The following CBFB variants were observed in gnomAD, a reference collection of about 807,000 sequenced individuals.
The protein encoded by CBFB is core-binding factor subunit beta.
CBFB carries 9 observed loss-of-function variants against 30.4 expected under a neutral mutation model. The ratio of observed to expected loss-of-function variants is 0.30; its 90% CI spans 0.18 to 0.52. The LOEUF is 0.52. Among genes scored for constraint, CBFB ranks in the 20% least tolerant of loss-of-function variants. CBFB has a pLI of 0.97. For synonymous variants in CBFB, 94 were observed against 84.0 expected (o/e 1.12, Z -0.65); for missense variants, 170 against 244.0 (o/e 0.70, Z 2.02).
chr16:67,029,744 C>T lies in CBFB; in HGVS notation c.96C>T (p.Phe32=), dbSNP rs764192637. ...SRECEIKYTG[F]RDRPHEERQA... ...CCTTGCAGATTAAGTACACGGGCTT[C>T]AGGGACCGGCCCCACGAGGAACGCC... The change falls in exon 2 of 6, where the codon TTC becomes TTT. Residue 32 remains phenylalanine (F), a synonymous_variant. Coordinates refer to ENST00000412916, the MANE Select transcript of CBFB (RefSeq NM_022845.3). The T allele has an allele frequency of 3.1e-6, 5 of 1,596,364 alleles. No homozygotes were observed. In the African/African-American group the frequency reaches 5.5e-5, roughly 18 times the overall value.
intron 3 of CBFB, among the ~76,000 whole-genome samples, chr16:67,048,421 A>G (rs1282069374): frequency 6.6e-6 from 1 of 152,202 alleles, no homozygotes; most frequent in East Asian, 1.9e-4. Context: ...TTCCTGACAC[A>G]TATTCTCAGT....
chr16:67,072,993 A>G (rs1183588249), intron 4 of CBFB, among the ~76,000 whole-genome samples: 1 of 152,174 alleles, frequency 6.6e-6, no homozygotes, highest in African/African-American at 2.4e-5. Context: ...GATTATAGGC[A>G]TGAGCCACTG....
In CBFB at chr16:67,031,597, G is replaced by T. The variant is rs568653397; in HGVS notation, c.165+1784G>T. ...ATGATCTTGGCTCGCTGCAACCTTC[G>T]CCTCCTGGGTTAAAGCGATTCTCCT... On this transcript the variant is annotated intron_variant, in intron 2 of 5. Transcript: ENST00000412916. Among the ~76,000 whole-genome samples, 30 of 152,234 alleles carry T rather than the reference G, an allele frequency of 2.0e-4. 1 individual carries two copies. The South Asian group carries it at 6.2e-3, about 32-fold the overall frequency.
chr16:67,066,393 CAAA>C lies in CBFB; in HGVS notation c.283-274_283-272del, dbSNP rs56360240. 2.3e-3 allele frequency among the ~76,000 whole-genome samples: 219 copies of C among 96,038 alleles called. 9 individuals carry two copies. The highest frequency in any genetic ancestry group is 0.012 in the African/African-American group (207 of 17,682). 63.0% of individuals were successfully genotyped at this position (96,038 alleles called of 152,430 possible). On this transcript the variant is annotated intron_variant, in intron 3 of 5. Coordinates refer to ENST00000412916, the MANE Select transcript of CBFB (RefSeq NM_022845.3). Reference sequence around the variant, plus strand: ...TGAAACCCCATCTCTACTAAAAATACAAAAAAAAAAAAAAAAATTAGCCAGGCA... The same window carrying C: ...TGAAACCCCATCTCTACTAAAAATACAAAAAAAAAAAAAATTAGCCAGGCA...
intron 3 of CBFB, among the ~76,000 whole-genome samples, chr16:67,062,359 G>A (rs1481811804): frequency 6.6e-6 from 1 of 151,170 alleles, no homozygotes; most frequent in Non-Finnish European, 1.5e-5. Flanking sequence ...AGTAGAGACA[G>A]GGTTTTGCCA....
chr16:67,054,933 T>A (rs1210673327), intron 3 of CBFB, among the ~76,000 whole-genome samples: 1 of 150,654 alleles, frequency 6.6e-6, no homozygotes, highest in Admixed American at 6.6e-5. Flanking sequence ...TTTTTGTATT[T>A]TTTTTTTTTT....
intron 3 of CBFB, among the ~76,000 whole-genome samples, chr16:67,065,713 G>T (rs879548096): frequency 2.0e-5 from 3 of 151,964 alleles, no homozygotes; most frequent in African/African-American, 7.3e-5. Context: ...TAGTATTTAA[G>T]AATTTCAACA....
intron 4 of CBFB, among the ~76,000 whole-genome samples, chr16:67,072,796 A>C (rs1326258087): frequency 1.3e-5 from 2 of 150,386 alleles, no homozygotes; most frequent in Non-Finnish European, 3.0e-5. Context: ...TTAGCGACAG[A>C]GTCTTGCTCT....
rs768983261 is a variant in CBFB at position 67,100,905 on chromosome 16, A to G, written c.*2127A>G. The stretch of plus-strand genomic sequence containing the variant: ...GCAATTTGATATTTTTTCATAATCT[A>G]TATTTAAACAAAATTACATCATTGC... On this transcript the variant is annotated 3_prime_UTR_variant, in exon 6 of 6. Coordinates refer to ENST00000412916, the MANE Select transcript of CBFB (RefSeq NM_022845.3). 5 of 196,172 alleles carry G rather than the reference A, an allele frequency of 2.5e-5. No homozygotes were observed. Among genetic ancestry groups the G allele is most frequent in the Non-Finnish European group, 4.2e-5 (4 of 94,376 alleles). 12.2% of individuals were successfully genotyped at this position (196,172 alleles called of 1,614,324 possible).
At chr16:67,098,679 T>C (rs1239015317) in intron 5 of CBFB, 31 bp from the exon 6 acceptor site, 7 of 1,410,278 alleles carry the variant, frequency 5.0e-6, no homozygotes, top group South Asian at 3.5e-5. Flanking sequence ...AAAACACTTT[T>C]TGACCCCAAA....
intron 5 of CBFB, among the ~76,000 whole-genome samples, chr16:67,088,373 C>G (rs1038333124): frequency 6.6e-6 from 1 of 152,052 alleles, no homozygotes; most frequent in Admixed American, 6.6e-5. Flanking sequence ...TTTAGAGATT[C>G]AAACATCATC....
At chr16:67,035,231 C>T (rs1966424018) in intron 2 of CBFB, among the ~76,000 whole-genome samples, 1 of 152,008 alleles carries the variant, frequency 6.6e-6, no homozygotes, top group Non-Finnish European at 1.5e-5. Flanking sequence ...TTACAGGCGT[C>T]TGCCACCATG....
chr16:67,075,968 A>T (rs1019731113), intron 4 of CBFB, among the ~76,000 whole-genome samples: 8 of 152,214 alleles, frequency 5.3e-5, no homozygotes, highest in Non-Finnish European at 1.0e-4. Flanking sequence ...ACAGTGGCTC[A>T]TGCCTGTAAT....
chr16:67,083,178 T>A (rs1339170629), intron 5 of CBFB, among the ~76,000 whole-genome samples: 4 of 152,110 alleles, frequency 2.6e-5, no homozygotes, highest in African/African-American at 9.7e-5. Context: ...GATCCTGCCT[T>A]TAGGAAATAA....
At chr16:67,048,956 A>T (rs1966686534) in intron 3 of CBFB, among the ~76,000 whole-genome samples, 1 of 150,496 alleles carries the variant, frequency 6.6e-6, no homozygotes, top group African/African-American at 2.5e-5. Flanking sequence ...AGTAGCTGGG[A>T]TTACAGGCAT....
At position 67,029,921 on chromosome 16, in the gene CBFB, T is replaced by C. The variant is rs1480140070; in HGVS notation, c.165+108T>C. ...GGCTGCTGCGGCTCCCGGAACTGAG[T>C]GGGCGCCGTCTCACTTCCTACTCGG... On this transcript the variant is annotated intron_variant, in intron 2 of 5. Transcript: ENST00000412916. The C allele has an allele frequency of 4.7e-6, 3 of 638,072 alleles. No homozygotes were observed. In the African/African-American group the frequency reaches 5.9e-5, roughly 13 times the overall value. 39.5% of individuals were successfully genotyped at this position (638,072 alleles called of 1,614,324 possible).
intron 3 of CBFB, among the ~76,000 whole-genome samples, chr16:67,051,519 G>A (rs1966739804): frequency 6.6e-6 from 1 of 151,502 alleles, no homozygotes; most frequent in Non-Finnish European, 1.5e-5. Flanking sequence ...TATGGATCCA[G>A]TTTTATACTC....
chr16:67,035,755 G>C (rs1238182261), intron 2 of CBFB, among the ~76,000 whole-genome samples: 5 of 152,154 alleles, frequency 3.3e-5, no homozygotes, highest in African/African-American at 9.6e-5. Flanking sequence ...AACTTTTTCT[G>C]GTTTCAGCAA....
At chr16:67,048,900 G>T (rs1460727255) in intron 3 of CBFB, among the ~76,000 whole-genome samples, 1 of 120,958 alleles carries the variant, frequency 8.3e-6, no homozygotes, top group Non-Finnish European at 1.6e-5. Flanking sequence ...AGCTCACCAC[G>T]ACCTCCACCT....
Sources: allele counts gnomAD v4.1 joint callset (sites outside exome capture counted in the v4.1 genomes callset), GRCh38; gene constraint gnomAD v4.1.1; transcripts MANE v1.5; gene names NCBI Gene and HGNC (gene_info 2026-07-23, HGNC 2026-07-21).